Variants in MB21D2 observed in about 807,000 individuals in gnomAD.
MB21D2 encodes the protein Mab-21 domain containing 2.
Under a neutral mutation model 33.3 loss-of-function variants are expected in MB21D2, and 9 were observed. That is an observed-to-expected ratio of 0.27 (90% CI 0.16 to 0.47). MB21D2 has a LOEUF of 0.47. MB21D2 is among the 20% of genes least tolerant of loss of function. The pLI is 0.99. For synonymous variants in MB21D2, 241 were observed against 236.3 expected (o/e 1.02, Z -0.18); for missense variants, 540 against 624.6 (o/e 0.86, Z 1.44).
chr3:192,816,356 T>G (rs925625000), intron 1 of MB21D2, among the ~76,000 whole-genome samples: 14 of 152,208 alleles, frequency 9.2e-5, no homozygotes, highest in African/African-American at 3.1e-4. Context: ...AGTCTTGTTA[T>G]GACAGTAACT....
At chr3:192,901,670 G>A (rs1218677665) in intron 1 of MB21D2, among the ~76,000 whole-genome samples, 4 of 152,166 alleles carry the variant, frequency 2.6e-5, no homozygotes, top group South Asian at 2.1e-4. Flanking sequence ...CAAATCATTA[G>A]TCACTTTTTA....
At chr3:192,904,412 T>C (rs903953170) in intron 1 of MB21D2, among the ~76,000 whole-genome samples, 1 of 152,208 alleles carries the variant, frequency 6.6e-6, no homozygotes, top group Non-Finnish European at 1.5e-5. Flanking sequence ...TTAAACCCCA[T>C]GGTGTTTCTT....
chr3:192,883,852 TC>T (rs1345702488), intron 1 of MB21D2, among the ~76,000 whole-genome samples: 3 of 152,060 alleles, frequency 2.0e-5, no homozygotes, highest in African/African-American at 7.3e-5. Flanking sequence ...TTTAGAGACA[TC>T]TCACTGCCAG....
At chr3:192,802,273 T>C (rs958353960) in intron 1 of MB21D2, among the ~76,000 whole-genome samples, 11 of 152,186 alleles carry the variant, frequency 7.2e-5, no homozygotes. Context: ...TGGCGAATGA[T>C]GCGCCTGCAG....
intron 1 of MB21D2, among the ~76,000 whole-genome samples, chr3:192,857,829 T>C (rs980700526): frequency 3.3e-5 from 5 of 152,012 alleles, no homozygotes; most frequent in African/African-American, 1.2e-4. Flanking sequence ...TCACATATGA[T>C]AAAAGCGGCC....
At chr3:192,829,478 T>C (rs1402184224) in intron 1 of MB21D2, among the ~76,000 whole-genome samples, 1 of 152,214 alleles carries the variant, frequency 6.6e-6, no homozygotes, top group Non-Finnish European at 1.5e-5. Flanking sequence ...CTTGTACCAT[T>C]CTGCATTCCT....
chr3:192,841,223 G>A (rs1244520128), intron 1 of MB21D2, among the ~76,000 whole-genome samples: 2 of 152,240 alleles, frequency 1.3e-5, no homozygotes, highest in Non-Finnish European at 2.9e-5. Context: ...CAGGCTAGCT[G>A]GCAAAACAGA....
intron 1 of MB21D2, among the ~76,000 whole-genome samples, chr3:192,842,160 G>A (rs1382480623): frequency 1.3e-5 from 2 of 152,190 alleles, no homozygotes; most frequent in Admixed American, 6.5e-5. Flanking sequence ...CTTCTGTAAC[G>A]ACCCTGTGGG....
intron 1 of MB21D2, among the ~76,000 whole-genome samples, chr3:192,838,178 C>T (rs1446843560): frequency 6.6e-6 from 1 of 152,160 alleles, no homozygotes; most frequent in Admixed American, 6.5e-5. Flanking sequence ...TGGAAGAAGG[C>T]CTTGGTTCTT....
intron 1 of MB21D2, among the ~76,000 whole-genome samples, chr3:192,814,707 T>A (rs1711879077): frequency 6.6e-6 from 1 of 151,202 alleles, no homozygotes; most frequent in Non-Finnish European, 1.5e-5. Context: ...CTAAAAAAAA[T>A]ACAAAAAATT....
chr3:192,849,318 G>GGC (rs1712739155), intron 1 of MB21D2, among the ~76,000 whole-genome samples: 1 of 133,902 alleles, frequency 7.5e-6, no homozygotes, highest in Non-Finnish European at 1.6e-5. Flanking sequence ...TCTTTTTTTG[G>GGC]GGGGGGGGCG....
At chr3:192,908,897 A>G (rs1240067286) in intron 1 of MB21D2, among the ~76,000 whole-genome samples, 1 of 152,190 alleles carries the variant, frequency 6.6e-6, no homozygotes, top group Non-Finnish European at 1.5e-5. Context: ...AGATCCCTGC[A>G]GAGAATAGCA....
intron 1 of MB21D2, among the ~76,000 whole-genome samples, chr3:192,873,096 T>G (rs1394313343): frequency 6.6e-6 from 1 of 152,088 alleles, no homozygotes; most frequent in East Asian, 1.9e-4. Context: ...TGGAGTCTGC[T>G]CATGTGCTGC....
intron 1 of MB21D2, among the ~76,000 whole-genome samples, chr3:192,869,039 T>G (rs1311446386): frequency 6.6e-6 from 1 of 152,108 alleles, no homozygotes; most frequent in Non-Finnish European, 1.5e-5. Context: ...GTGGATCACT[T>G]GAGGTCAGGA....
intron 1 of MB21D2, among the ~76,000 whole-genome samples, chr3:192,851,471 T>C (rs557549786): frequency 6.6e-6 from 1 of 150,618 alleles, no homozygotes; most frequent in East Asian, 2.0e-4. Context: ...ACCACTAAAT[T>C]GTACACTTTT....
At chr3:192,885,101 C>A (rs969078036) in intron 1 of MB21D2, among the ~76,000 whole-genome samples, 2 of 152,054 alleles carry the variant, frequency 1.3e-5, no homozygotes, top group Non-Finnish European at 2.9e-5. Context: ...GAAATGAAAT[C>A]ATAATAGCAA....
intron 1 of MB21D2, among the ~76,000 whole-genome samples, chr3:192,819,122 A>T (rs1236297751): frequency 2.0e-5 from 3 of 152,226 alleles, no homozygotes; most frequent in Non-Finnish European, 2.9e-5. Flanking sequence ...GCTAGATCCC[A>T]GGGCTCCTGA....
intron 1 of MB21D2, among the ~76,000 whole-genome samples, chr3:192,819,065 A>T (rs1711987098): frequency 6.6e-6 from 1 of 152,148 alleles, no homozygotes; most frequent in Admixed American, 6.5e-5. Flanking sequence ...GACCTGGAAT[A>T]TAAGTGACTC....
chr3:192,834,404 A>G (rs1470434396), intron 1 of MB21D2, among the ~76,000 whole-genome samples: 1 of 144,418 alleles, frequency 6.9e-6, no homozygotes, highest in African/African-American at 2.7e-5. Context: ...TGAGGAAGTA[A>G]TTTTCCCCAG....
Sources: gnomAD v4.1 joint callset for allele counts (sites outside exome capture counted in the v4.1 genomes callset) on GRCh38, gnomAD v4.1.1 for gene constraint, MANE v1.5 for transcripts, NCBI Gene and HGNC (gene_info 2026-07-23, HGNC 2026-07-21) for gene names.